SCHIP1: variants seen among roughly 807,000 people sequenced by gnomAD.
The protein encoded by SCHIP1 is schwannomin interacting protein 1.
Under a neutral mutation model 29.7 loss-of-function variants are expected in SCHIP1, and 8 were observed. The ratio of observed to expected loss-of-function variants is 0.27; its 90% CI spans 0.16 to 0.49. SCHIP1 has a LOEUF of 0.49. Among genes scored for constraint, SCHIP1 ranks in the 20% least tolerant of loss-of-function variants. The probability of loss-of-function intolerance (pLI) is 0.99; values close to 1 mark genes in which losing one functional copy is unlikely to be tolerated. For missense variants in SCHIP1, 193 were observed against 294.6 expected (o/e 0.66, Z 2.52); for synonymous variants, 76 against 94.9 (o/e 0.80, Z 1.16).
At chr3:159,603,961 C>A in the SCHIP1 span, among the ~76,000 whole-genome samples, 3 of 152,056 alleles carry the variant, frequency 2.0e-5, no homozygotes, top group East Asian at 5.8e-4. Flanking sequence ...CTAACCCACT[C>A]CCTTGATAAC....
the SCHIP1 span, among the ~76,000 whole-genome samples, chr3:159,626,256 A>ATCTATC: frequency 1.5e-5 from 1 of 65,858 alleles, no homozygotes; most frequent in Non-Finnish European, 3.5e-5. Context: ...ATCTATATAG[A>ATCTATC]TAGATAGATA....
intron 6 of SCHIP1, 62 bp from the exon 8 acceptor site, chr3:159,896,661 G>T: frequency 2.0e-6 from 3 of 1,485,116 alleles, no homozygotes; most frequent in South Asian, 1.4e-5. Context: ...TGTAGCTATT[G>T]ATTGAAAAGC....
chr3:159,689,080 G>C, the SCHIP1 span, among the ~76,000 whole-genome samples: 1 of 152,088 alleles, frequency 6.6e-6, no homozygotes, highest in African/African-American at 2.4e-5. Context: ...TGGCTGTATG[G>C]GCTCCTTTTT....
chr3:159,848,242 G>A (rs1261845627), intron 1 of SCHIP1, among the ~76,000 whole-genome samples: 2 of 152,184 alleles, frequency 1.3e-5, no homozygotes, highest in African/African-American at 4.8e-5. Context: ...CAACCTCAGG[G>A]ATTCTAAGTG....
the SCHIP1 span, among the ~76,000 whole-genome samples, chr3:159,819,865 C>T: frequency 6.6e-6 from 1 of 152,202 alleles, no homozygotes. Flanking sequence ...GATTCTTCTG[C>T]AGGTGCTTCC....
chr3:159,516,214 C>G, the SCHIP1 span, among the ~76,000 whole-genome samples: 1 of 152,092 alleles, frequency 6.6e-6, no homozygotes, highest in Non-Finnish European at 1.5e-5. Flanking sequence ...TTCACCTGAC[C>G]AGGGCAGACT....
At chr3:159,366,815 A>G in the SCHIP1 span, among the ~76,000 whole-genome samples, 1,413 of 152,306 alleles carry the variant, frequency 9.3e-3, 23 homozygotes, top group African/African-American at 0.033. Flanking sequence ...ATTTCAAAAG[A>G]TGCTTTTGAT....
At chr3:159,319,459 C>T in the SCHIP1 span, among the ~76,000 whole-genome samples, 1 of 152,218 alleles carries the variant, frequency 6.6e-6, no homozygotes, top group Non-Finnish European at 1.5e-5. Flanking sequence ...AGAAACATAT[C>T]TGCACATTGG....
At chr3:159,583,772 T>C in the SCHIP1 span, among the ~76,000 whole-genome samples, 2 of 152,180 alleles carry the variant, frequency 1.3e-5, no homozygotes, top group African/African-American at 4.8e-5. Context: ...GAACAGTAAG[T>C]ATCATAAGGC....
the SCHIP1 span, among the ~76,000 whole-genome samples, chr3:159,420,253 A>G: frequency 1.3e-5 from 2 of 152,240 alleles, no homozygotes; most frequent in Non-Finnish European, 2.9e-5. Flanking sequence ...AGATTCAGAG[A>G]CAGCCTCGCA....
At chr3:159,298,817 A>G in the SCHIP1 span, among the ~76,000 whole-genome samples, 1 of 152,230 alleles carries the variant, frequency 6.6e-6, no homozygotes, top group Admixed American at 6.5e-5. Flanking sequence ...AAAAAATCAA[A>G]TTTTTTAAAA....
chr3:159,344,269 C>T, the SCHIP1 span, among the ~76,000 whole-genome samples: 7 of 148,548 alleles, frequency 4.7e-5, no homozygotes, highest in Admixed American at 2.0e-4. Context: ...TGCGGTGAGC[C>T]GAGATCGTGA....
At chr3:159,509,804 C>T in the SCHIP1 span, among the ~76,000 whole-genome samples, 73 of 152,354 alleles carry the variant, frequency 4.8e-4, no homozygotes, top group African/African-American at 1.7e-3. Flanking sequence ...TCCCCACTCT[C>T]TTCTGGCTTG....
At chr3:159,810,294 C>T in the SCHIP1 span, among the ~76,000 whole-genome samples, 2 of 152,298 alleles carry the variant, frequency 1.3e-5, no homozygotes, top group East Asian at 3.9e-4. Context: ...ATCTGCCCAC[C>T]TCGGCCCCTC....
intron 2 of SCHIP1, among the ~76,000 whole-genome samples, chr3:159,884,657 C>T (rs1716790909): frequency 6.6e-6 from 1 of 152,120 alleles, no homozygotes; most frequent in Non-Finnish European, 1.5e-5. Flanking sequence ...GCACTAAGCT[C>T]TGAATGAACT....
the SCHIP1 span, among the ~76,000 whole-genome samples, chr3:159,392,435 A>G: frequency 4.0e-5 from 6 of 151,634 alleles, no homozygotes; most frequent in East Asian, 1.9e-4. Context: ...AGCATTAGGT[A>G]TATCTCCAAA....
chr3:159,356,830 T>C, the SCHIP1 span, among the ~76,000 whole-genome samples: 2 of 152,218 alleles, frequency 1.3e-5, no homozygotes, highest in South Asian at 4.1e-4. Flanking sequence ...GCTTTCATTA[T>C]AGCAGAAACA....
chr3:159,420,478 G>A, the SCHIP1 span, among the ~76,000 whole-genome samples: 22 of 152,314 alleles, frequency 1.4e-4, no homozygotes, highest in South Asian at 4.1e-3. Context: ...GAACAGGCTA[G>A]ACAATGACCT....
the SCHIP1 span, among the ~76,000 whole-genome samples, chr3:159,790,383 C>T: frequency 6.6e-6 from 1 of 152,332 alleles, no homozygotes; most frequent in East Asian, 1.9e-4. Flanking sequence ...AGTGAAGTTA[C>T]AATCTTTCTG....
Sources: gnomAD v4.1 joint callset for allele counts (sites outside exome capture counted in the v4.1 genomes callset) on GRCh38, gnomAD v4.1.1 for gene constraint, MANE v1.5 for transcripts, NCBI Gene and HGNC (gene_info 2026-07-23, HGNC 2026-07-21) for gene names.